The following PRKCB variants were observed in gnomAD, a reference collection of about 807,000 sequenced individuals.
The protein encoded by PRKCB is protein kinase C beta.
In PRKCB, 13 loss-of-function variants were observed where a neutral mutation model predicts 81.5. That is an observed-to-expected ratio of 0.16 (90% CI 0.10 to 0.25). PRKCB has a LOEUF of 0.25. Among genes scored for constraint, PRKCB ranks in the 10% least tolerant of loss-of-function variants. The pLI is 1.00. For synonymous variants in PRKCB, 335 were observed against 321.4 expected (o/e 1.04, Z -0.45); for missense variants, 509 against 875.7 (o/e 0.58, Z 5.29).
chr16:23,922,976 AC>A (rs1294651785), intron 2 of PRKCB, among the ~76,000 whole-genome samples: 2 of 152,060 alleles, frequency 1.3e-5, no homozygotes, highest in African/African-American at 4.8e-5. Flanking sequence ...CTTTAGAGTT[AC>A]CTTTTTTTCC....
At chr16:23,913,534 G>T (rs1221895558) in intron 2 of PRKCB, among the ~76,000 whole-genome samples, 1 of 152,212 alleles carries the variant, frequency 6.6e-6, no homozygotes, top group Non-Finnish European at 1.5e-5. Context: ...GGTTGTAGAA[G>T]TGGGAAAGCC....
At chr16:24,208,983 T>C (rs986322057) in intron 16 of PRKCB, among the ~76,000 whole-genome samples, 2 of 152,108 alleles carry the variant, frequency 1.3e-5, no homozygotes, top group East Asian at 1.9e-4. Flanking sequence ...AAAGATTTCA[T>C]TGTTCTCTGA....
intron 2 of PRKCB, among the ~76,000 whole-genome samples, chr16:23,837,786 C>G (rs1194743842): frequency 6.6e-6 from 1 of 152,184 alleles, no homozygotes; most frequent in Non-Finnish European, 1.5e-5. Context: ...TTCCTTATCT[C>G]ACCCAGGGAG....
intron 2 of PRKCB, among the ~76,000 whole-genome samples, chr16:23,885,575 G>A (rs1221975488): frequency 6.6e-6 from 1 of 151,990 alleles, no homozygotes; most frequent in Admixed American, 6.5e-5. Context: ...CCAAAGTGCT[G>A]GGATTACAGG....
intron 7 of PRKCB, among the ~76,000 whole-genome samples, chr16:24,101,451 A>T (rs1966507064): frequency 6.6e-6 from 1 of 152,186 alleles, no homozygotes; most frequent in Non-Finnish European, 1.5e-5. Flanking sequence ...AGGTGGGAGG[A>T]TCACTTGGGC....
intron 2 of PRKCB, among the ~76,000 whole-genome samples, chr16:23,933,629 T>TATCC (rs57745059): frequency 0.72 from 97,590 of 135,464 alleles, 35,427 homozygotes; most frequent in Non-Finnish European, 0.76. Flanking sequence ...TGTGAACTGA[T>TATCC]ATCCATCCAT....
At position 24,193,468 on chromosome 16, in the gene PRKCB, T is replaced by TTAAAA. The variant is rs1555501776; in HGVS notation, c.1863+2238_1863+2239insTAAAA. 6.8e-5 allele frequency among the ~76,000 whole-genome samples: 7 copies of TTAAAA among 103,592 alleles called. No individual in the cohort carries two copies. In the South Asian group the frequency reaches 1.2e-3, roughly 17 times the overall value. The allele number at this position is 103,592 out of a possible 152,430, so 68.0% of individuals were successfully genotyped here. A position where few individuals can be genotyped will look rare whatever the true frequency, so the allele number is the denominator to read the frequency against. ...TCAAATAAATAAATAAATAAATAAATAAATAAATAAATAAATAAATAAATA... is the reference window on the plus strand; with the variant it reads ...TCAAATAAATAAATAAATAAATAAATTAAAAAAATAAATAAATAAATAAATAAATA... On this transcript the variant is annotated intron_variant, in intron 16 of 16. Coordinates refer to ENST00000643927, the MANE Select transcript of PRKCB (RefSeq NM_002738.7).
intron 5 of PRKCB, 48 bp from the exon 6 acceptor site, chr16:24,092,743 T>TA: frequency 6.4e-7 from 1 of 1,562,368 alleles, no homozygotes; most frequent in Non-Finnish European, 8.7e-7. Context: ...GCTTGGTGCT[T>TA]AAACATGTTG....
intron 2 of PRKCB, among the ~76,000 whole-genome samples, chr16:23,961,051 T>C (rs1964418786): frequency 6.6e-6 from 1 of 152,230 alleles, no homozygotes; most frequent in Admixed American, 6.5e-5. Context: ...GCTCTTTCTT[T>C]TTAAAAAAAT....
intron 10 of PRKCB, among the ~76,000 whole-genome samples, chr16:24,164,588 G>T (rs1232940971): frequency 1.3e-5 from 2 of 152,160 alleles, no homozygotes; most frequent in African/African-American, 4.8e-5. Context: ...GTTGACGGTG[G>T]AACACCCACG....
intron 16 of PRKCB, among the ~76,000 whole-genome samples, chr16:24,201,696 C>T (rs1967959506): frequency 6.6e-6 from 1 of 152,160 alleles, no homozygotes; most frequent in African/African-American, 2.4e-5. Flanking sequence ...CTATCTAAAT[C>T]AGACATTTTG....
chr16:23,885,787 G>A (rs1567302454), intron 2 of PRKCB, among the ~76,000 whole-genome samples: 1 of 152,142 alleles, frequency 6.6e-6, no homozygotes, highest in Non-Finnish European at 1.5e-5. Context: ...TTTCAGACAC[G>A]AGGAAGCTGG....
chr16:23,980,133 T>A (rs960781440), intron 2 of PRKCB, among the ~76,000 whole-genome samples: 1 of 152,222 alleles, frequency 6.6e-6, no homozygotes, highest in Non-Finnish European at 1.5e-5. Context: ...AGGACTGTGA[T>A]GAGGCTCAGG....
rs1481949587 is a variant in PRKCB, at chr16:23,939,187, CA to C, written c.206-49320del. On this transcript the variant is annotated intron_variant, in intron 2 of 16. Coordinates refer to ENST00000643927, the MANE Select transcript of PRKCB (RefSeq NM_002738.7). ...AGCTGTAAATCCAACAAAACATTTG[CA>C]GGACTTATGTACTGAAAACTGTAAA... is the stretch of plus-strand genomic sequence containing the variant. Among the ~76,000 whole-genome samples the C allele has an allele frequency of 2.6e-5, 4 of 152,066 alleles. No individual in the cohort carries two copies. In the East Asian group the frequency reaches 7.7e-4, roughly 29 times the overall value.
chr16:24,157,372 G>A (rs960547634), intron 10 of PRKCB, among the ~76,000 whole-genome samples: 27 of 152,218 alleles, frequency 1.8e-4, no homozygotes, highest in African/African-American at 5.1e-4. Context: ...TCATGGGGGC[G>A]GTTACCTCCA....
intron 2 of PRKCB, among the ~76,000 whole-genome samples, chr16:23,899,314 A>G (rs1457896450): frequency 9.9e-5 from 15 of 152,240 alleles, no homozygotes; most frequent in Non-Finnish European, 2.9e-5. Flanking sequence ...GGTAATAATT[A>G]TCAAGGACAG....
intron 8 of PRKCB, among the ~76,000 whole-genome samples, chr16:24,114,861 A>G (rs1251203304): frequency 6.6e-6 from 1 of 152,200 alleles, no homozygotes; most frequent in Non-Finnish European, 1.5e-5. Flanking sequence ...ACAAATAAAA[A>G]AAAAACGTGT....
intron 5 of PRKCB, among the ~76,000 whole-genome samples, chr16:24,077,867 T>G (rs1211310182): frequency 2.0e-5 from 3 of 152,216 alleles, no homozygotes; most frequent in African/African-American, 4.8e-5. Flanking sequence ...GATTCAGTGA[T>G]GTAGTTAATG....
chr16:24,215,617 T>C lies in PRKCB; in HGVS notation c.*801T>C, dbSNP rs1240128013. Reference sequence around the variant, plus strand: ...TCAAACTTTATTTGCTTTGGGGTTTTGTTTCTGTTGTTGTTCAAATGCAAA... The same window carrying C: ...TCAAACTTTATTTGCTTTGGGGTTTCGTTTCTGTTGTTGTTCAAATGCAAA... On this transcript the variant is annotated 3_prime_UTR_variant, in exon 17 of 17. Coordinates refer to ENST00000643927, the MANE Select transcript of PRKCB (RefSeq NM_002738.7). The C allele has an allele frequency of 1.0e-6, 1 of 985,448 alleles. No individual in the cohort carries two copies. The highest frequency in any genetic ancestry group is 1.2e-6 in the Non-Finnish European group (1 of 829,798). The allele number at this position is 985,448 out of a possible 1,614,324, so 61.0% of individuals were successfully genotyped here.
Sources: gnomAD v4.1 joint callset for allele counts (sites outside exome capture counted in the v4.1 genomes callset) on GRCh38, gnomAD v4.1.1 for gene constraint, MANE v1.5 for transcripts, NCBI Gene and HGNC (gene_info 2026-07-23, HGNC 2026-07-21) for gene names.